Variants in PLCL1 observed in about 807,000 individuals in gnomAD.
The protein encoded by PLCL1 is inactive phospholipase C-like protein 1.
A neutral mutation model predicts 84.4 loss-of-function variants in PLCL1; 41 were observed. The observed-to-expected ratio is 0.49, with a 90% confidence interval of 0.38 to 0.63. The LOEUF (loss-of-function observed/expected upper bound fraction) is 0.63, where lower values mean the gene tolerates loss of function less well. Among genes scored for constraint, PLCL1 ranks in the 30% least tolerant of loss-of-function variants. The pLI, the probability that PLCL1 is intolerant of heterozygous loss-of-function variation, is 0.00. For missense variants in PLCL1, 1,206 were observed against 1,367.8 expected (o/e 0.88, Z 1.87); for synonymous variants, 490 against 488.3 (o/e 1.00, Z -0.05).
At chr2:197,980,374 A>G (rs956923214) in intron 1 of PLCL1, among the ~76,000 whole-genome samples, 36 of 152,222 alleles carry the variant, frequency 2.4e-4, no homozygotes, top group Admixed American at 1.7e-3. Flanking sequence ...AGTTGATGTT[A>G]GGAAAATTTC....
chr2:198,134,746 C>A (rs536743620), intron 5 of PLCL1, among the ~76,000 whole-genome samples: 211 of 152,264 alleles, frequency 1.4e-3, no homozygotes, highest in Non-Finnish European at 2.7e-3. Context: ...ACGTAGAAGG[C>A]AGGGTGAATT....
At chr2:198,133,894 C>T (rs1483705445) in intron 5 of PLCL1, among the ~76,000 whole-genome samples, 1 of 152,132 alleles carries the variant, frequency 6.6e-6, no homozygotes, top group Non-Finnish European at 1.5e-5. Flanking sequence ...TTAATATGTA[C>T]TGTATATCAG....
At chr2:197,946,548 T>A (rs1689275997) in intron 1 of PLCL1, among the ~76,000 whole-genome samples, 1 of 152,140 alleles carries the variant, frequency 6.6e-6, no homozygotes, top group Admixed American at 6.5e-5. Flanking sequence ...AGGGTGCTAG[T>A]GGAAGTTAGA....
intron 5 of PLCL1, among the ~76,000 whole-genome samples, chr2:198,123,219 C>T (rs912293234): frequency 2.6e-5 from 4 of 152,026 alleles, no homozygotes; most frequent in African/African-American, 9.7e-5. Flanking sequence ...GGCAAACTAT[C>T]CCTCAATTTT....
chr2:197,973,449 T>C (rs748166772), intron 1 of PLCL1, among the ~76,000 whole-genome samples: 20 of 152,214 alleles, frequency 1.3e-4, no homozygotes, highest in Non-Finnish European at 2.1e-4. Context: ...CCTACATTTA[T>C]TGAGTGCCTG....
chr2:197,881,736 T>C (rs1687833626), intron 1 of PLCL1, among the ~76,000 whole-genome samples: 1 of 152,058 alleles, frequency 6.6e-6, no homozygotes. Flanking sequence ...TGGTGTGTGT[T>C]TTAAAAAACT....
chr2:198,048,596 C>A (rs1216785315), intron 1 of PLCL1, among the ~76,000 whole-genome samples: 1 of 152,142 alleles, frequency 6.6e-6, no homozygotes, highest in Non-Finnish European at 1.5e-5. Context: ...AGATAAGGAA[C>A]AACAGAGAGG....
intron 4 of PLCL1, among the ~76,000 whole-genome samples, chr2:198,102,321 T>A (rs570912440): frequency 2.2e-4 from 34 of 152,152 alleles, no homozygotes; most frequent in African/African-American, 7.9e-4. Flanking sequence ...GTTAACCACA[T>A]GTCACCCGTG....
intron 1 of PLCL1, among the ~76,000 whole-genome samples, chr2:197,843,076 C>T (rs143964780): frequency 0.016 from 2,389 of 152,278 alleles, 31 homozygotes; most frequent in Non-Finnish European, 0.025. Context: ...CTTTATTCAT[C>T]TGTGTGTTTT....
At chr2:197,886,423 A>C in intron 1 of PLCL1, among the ~76,000 whole-genome samples, 1 of 33,970 alleles carries the variant, frequency 2.9e-5, no homozygotes, top group African/African-American at 2.7e-4. Context: ...AAAAAAAAAA[A>C]AAAAAAAAAA....
At position 197,918,184 on chromosome 2, in the gene PLCL1, C is replaced by A. The variant is rs76144734; in HGVS notation, c.240+112845C>A. Reference sequence around the variant, plus strand: ...TTGTCTTCCTCCTCCAAACCCATAACCCCAGTCTGATCATGAGAAAAACAT... The same window carrying A: ...TTGTCTTCCTCCTCCAAACCCATAAACCCAGTCTGATCATGAGAAAAACAT... On this transcript the variant is annotated intron_variant, in intron 1 of 5. Transcript: ENST00000428675. Among the ~76,000 whole-genome samples the A allele has an allele frequency of 4.9e-3, 741 of 152,310 alleles. 26 individuals are homozygous for A. Among genetic ancestry groups the A allele is most frequent in the Admixed American group, 0.039 (603 of 15,306 alleles).
intron 5 of PLCL1, among the ~76,000 whole-genome samples, chr2:198,145,470 A>C (rs959055551): frequency 2.6e-5 from 4 of 152,154 alleles, no homozygotes; most frequent in Admixed American, 6.6e-5. Flanking sequence ...TGACCTTGGG[A>C]CAGTCAATTA....
At chr2:197,962,560 C>T (rs556745392) in intron 1 of PLCL1, among the ~76,000 whole-genome samples, 2 of 152,096 alleles carry the variant, frequency 1.3e-5, no homozygotes, top group African/African-American at 4.8e-5. Flanking sequence ...GTGGAGCATC[C>T]ATTTCCTCAA....
intron 1 of PLCL1, among the ~76,000 whole-genome samples, chr2:197,832,566 C>G (rs1691090196): frequency 6.6e-6 from 1 of 152,148 alleles, no homozygotes; most frequent in South Asian, 2.1e-4. Context: ...CAAATTCTAC[C>G]AGAGATACAA....
At chr2:198,036,918 A>G (rs16826895) in intron 1 of PLCL1, among the ~76,000 whole-genome samples, 26,484 of 152,188 alleles carry the variant, frequency 0.17, 2,369 homozygotes, top group East Asian at 0.26. Flanking sequence ...GCAACATCCC[A>G]GAGGCTGGAT....
intron 1 of PLCL1, among the ~76,000 whole-genome samples, chr2:197,987,970 T>C (rs77492307): frequency 0.023 from 3,464 of 152,156 alleles, 131 homozygotes; most frequent in African/African-American, 0.079. Context: ...TGAGTTTCAG[T>C]TTTAGAAGCA....
chr2:198,025,559 C>T (rs1279943172), intron 1 of PLCL1, among the ~76,000 whole-genome samples: 1 of 152,102 alleles, frequency 6.6e-6, no homozygotes, highest in Admixed American at 6.6e-5. Context: ...ATCAGGTAAT[C>T]TGAATGTCTG....
chr2:197,969,432 C>T (rs1007677566), intron 1 of PLCL1, among the ~76,000 whole-genome samples: 1 of 152,134 alleles, frequency 6.6e-6, no homozygotes, highest in African/African-American at 2.4e-5. Flanking sequence ...CAGTTCCAGG[C>T]AAGTGCTATT....
chr2:197,817,315 T>C (rs1690710173), intron 1 of PLCL1, among the ~76,000 whole-genome samples: 1 of 152,156 alleles, frequency 6.6e-6, no homozygotes, highest in African/African-American at 2.4e-5. Flanking sequence ...TTATTTAGTG[T>C]GGGAACAAGC....
Sources: gnomAD v4.1 joint callset for allele counts (sites outside exome capture counted in the v4.1 genomes callset) on GRCh38, gnomAD v4.1.1 for gene constraint, MANE v1.5 for transcripts, NCBI Gene and HGNC (gene_info 2026-07-23, HGNC 2026-07-21) for gene names.